The following CCDC134 variants were observed in gnomAD, a reference collection of about 807,000 sequenced individuals.
CCDC134 encodes the protein coiled-coil domain containing 134, also known as coiled-coil domain-containing protein 134.
A neutral mutation model predicts 25.6 loss-of-function variants in CCDC134; 27 were observed. The observed-to-expected ratio is 1.05, with a 90% CI of 0.78 to 1.45. CCDC134 has a LOEUF of 1.45. Ranked by LOEUF, CCDC134 falls within the 40% of genes most tolerant of loss-of-function variation. The pLI is 0.00. For synonymous variants in CCDC134, 110 were observed against 115.0 expected (o/e 0.96, Z 0.28); for missense variants, 261 against 286.7 (o/e 0.91, Z 0.65).
At chr22:41,821,918 C>G (rs2076654292) in intron 6 of CCDC134, among the ~76,000 whole-genome samples, 2 of 152,064 alleles carry the variant, frequency 1.3e-5, no homozygotes, top group African/African-American at 4.8e-5. Context: ...AGATAGAAAG[C>G]AAGGTCATGG....
At chr22:41,807,143 T>C (rs1054902583) in intron 1 of CCDC134, among the ~76,000 whole-genome samples, 2 of 152,292 alleles carry the variant, frequency 1.3e-5, no homozygotes, top group East Asian at 1.9e-4. Context: ...AATGGAACAA[T>C]TCAGACACAT....
intron 1 of CCDC134, among the ~76,000 whole-genome samples, chr22:41,804,026 G>T (rs140917913): frequency 6.6e-6 from 1 of 151,982 alleles, no homozygotes. Context: ...CTAGTTACTC[G>T]GGAGGCTGAG....
At position 41,813,381 on chromosome 22, in the gene CCDC134, G is replaced by T. The variant is rs1166671024; in HGVS notation, c.428G>T (p.Gly143Val). The change falls in exon 5 of 7, where the codon GGT (glycine) becomes GTT (valine). Residue 143 changes from glycine (G) to valine (V), a missense_variant. Coordinates refer to ENST00000255784, the MANE Select transcript of CCDC134 (RefSeq NM_024821.5). ...AACTGGAACCTCCTCATCCGCTGGGGTATCAGTTTCTGCAACCAGACAGGC... is the reference window on the plus strand; with the variant it reads ...AACTGGAACCTCCTCATCCGCTGGGTTATCAGTTTCTGCAACCAGACAGGC... The part of the protein sequence containing the change: ...NSNWNLLIRW[G>V]ISFCNQTGVF... The T allele has an allele frequency of 6.2e-7, 1 of 1,614,184 alleles. No individual in the cohort carries two copies. Among genetic ancestry groups the T allele is most frequent in the Middle Eastern group, 1.6e-4 (1 of 6,062 alleles).
At position 41,831,086 on chromosome 22, in the gene CCDC134, A is replaced by T. The variant is rs925073011; in HGVS notation, c.*5263A>T. 1 of 151,982 alleles carries T rather than the reference A, an allele frequency of 6.6e-6. No individual in the cohort carries two copies. The highest frequency in any genetic ancestry group is 1.5e-5 in the Non-Finnish European group (1 of 68,042). 9.4% of individuals were successfully genotyped at this position (151,982 alleles called of 1,614,324 possible). A position where few individuals can be genotyped will look rare whatever the true frequency, so the allele number is the denominator to read the frequency against. ...TTTTTAGTAGAGACGGGGTTTCACC[A>T]AGCTGGCCAAGCTGGTCTCGAACTC... On this transcript the variant is annotated 3_prime_UTR_variant, in exon 7 of 7. Transcript: ENST00000255784.
chr22:41,825,626 G>T lies in CCDC134; in HGVS notation c.565-72G>T. ...GGGAACCTTCCTATTCCCACACCCC[G>T]CTGGTGGCCTAGCTCAGAGCAGGCT... On this transcript the variant is annotated intron_variant, in intron 6 of 6. Coordinates refer to ENST00000255784, the MANE Select transcript of CCDC134 (RefSeq NM_024821.5). This position sits in a 1 kb window ranked among gnomAD's most constrained non-coding sequence, Gnocchi z 4.4. 6.3e-7 allele frequency: 1 copy of T among 1,588,328 alleles called. No homozygotes were observed.
intron 6 of CCDC134, 89 bp downstream of exon 6, chr22:41,813,911 G>T: frequency 8.0e-7 from 1 of 1,255,194 alleles, no homozygotes; most frequent in South Asian, 1.2e-5. Flanking sequence ...ACCTTGGGTG[G>T]CTTTGGACTT....
intron 6 of CCDC134, among the ~76,000 whole-genome samples, chr22:41,818,988 G>A (rs1445478643): frequency 1.3e-5 from 2 of 152,228 alleles, no homozygotes; most frequent in Non-Finnish European, 2.9e-5. Flanking sequence ...GCCAGGATAA[G>A]TTGAGTCCAG....
At chr22:41,820,213 G>A (rs559372939) in intron 6 of CCDC134, among the ~76,000 whole-genome samples, 10 of 151,278 alleles carry the variant, frequency 6.6e-5, no homozygotes, top group Non-Finnish European at 1.0e-4. Context: ...AGCCAGGATC[G>A]TCTCGATCTT....
chr22:41,809,990 G>GGCTCT lies in CCDC134; in HGVS notation c.216_220dup (p.Phe74CysfsTer30). 6.2e-7 allele frequency: 1 copy of GGCTCT among 1,614,122 alleles called. No individual in the cohort carries two copies. The highest frequency in any genetic ancestry group is 8.5e-7 in the Non-Finnish European group (1 of 1,180,018). The stretch of plus-strand genomic sequence containing the variant: ...AAGATCCTTGATGTCATGCTCAAGG[G>GGCTCT]GCTCTTTAAGGTGTGTGCAGGCAGG... On this transcript the variant is annotated frameshift_variant, in exon 3 of 7. Transcript: ENST00000255784. LOFTEE classifies it high-confidence loss of function.
At chr22:41,824,877 G>A (rs910357840) in intron 6 of CCDC134, among the ~76,000 whole-genome samples, 1 of 152,212 alleles carries the variant, frequency 6.6e-6, no homozygotes, top group Non-Finnish European at 1.5e-5. Context: ...AGAGAGATGG[G>A]GGTGGTGATG....
At chr22:41,821,829 G>C (rs768002814) in intron 6 of CCDC134, among the ~76,000 whole-genome samples, 7 of 152,142 alleles carry the variant, frequency 4.6e-5, no homozygotes, top group African/African-American at 9.7e-5. Flanking sequence ...CAGAGCATGT[G>C]GGCACAGAAG....
intron 1 of CCDC134, among the ~76,000 whole-genome samples, chr22:41,803,090 G>T (rs1490685069): frequency 2.0e-5 from 3 of 152,016 alleles, no homozygotes; most frequent in Non-Finnish European, 4.4e-5. Context: ...CTCCAGCCTG[G>T]GCAACAAGAG....
chr22:41,824,713 T>A (rs190441837), intron 6 of CCDC134, among the ~76,000 whole-genome samples: 1 of 152,096 alleles, frequency 6.6e-6, no homozygotes, highest in East Asian at 1.9e-4. Flanking sequence ...TGAGCCAAGA[T>A]TTCACCACTG....
chr22:41,816,040 T>C (rs956612455), intron 6 of CCDC134, among the ~76,000 whole-genome samples: 5 of 152,198 alleles, frequency 3.3e-5, no homozygotes, highest in African/African-American at 9.7e-5. Context: ...AATCAGGATA[T>C]TGTCTAAGAC....
At position 41,810,201 on chromosome 22, in the gene CCDC134, C is replaced by T; in HGVS notation, c.226-6C>T. On this transcript the variant is annotated splice_polypyrimidine_tract_variant and splice_region_variant and intron_variant, in intron 3 of 6. Coordinates refer to ENST00000255784, the MANE Select transcript of CCDC134 (RefSeq NM_024821.5). ...AAGCCACTCAGCCCTGGCGGGATTC[C>T]CTCAGGTGCTGGAGGACTCCCGGAC... 1 of 1,613,800 alleles carries T rather than the reference C, an allele frequency of 6.2e-7. No individual in the cohort carries two copies. Among genetic ancestry groups the T allele is most frequent in the Middle Eastern group, 1.7e-4 (1 of 6,060 alleles).
chr22:41,825,834 G>C lies in CCDC134; in HGVS notation c.*11G>C. On this transcript the variant is annotated 3_prime_UTR_variant, in exon 7 of 7. Coordinates refer to ENST00000255784, the MANE Select transcript of CCDC134 (RefSeq NM_024821.5). This position sits in a 1 kb window ranked among gnomAD's most constrained non-coding sequence, Gnocchi z 4.4. ...CAGTCTGAGTTATAGCCCTGGAGCA[G>C]CTCAGGGCTCAGGGGGCCACAAGGA... 1 of 1,613,500 alleles carries C rather than the reference G, an allele frequency of 6.2e-7. No homozygotes were observed. The highest frequency in any genetic ancestry group is 8.5e-7 in the Non-Finnish European group (1 of 1,179,662).
At chr22:41,814,760 A>G (rs1047395677) in intron 6 of CCDC134, among the ~76,000 whole-genome samples, 2 of 152,150 alleles carry the variant, frequency 1.3e-5, no homozygotes, top group African/African-American at 4.8e-5. Context: ...CTAGCCTGCT[A>G]CTGTTTCATG....
At chr22:41,823,829 A>G (rs917612202) in intron 6 of CCDC134, among the ~76,000 whole-genome samples, 3 of 152,206 alleles carry the variant, frequency 2.0e-5, no homozygotes, top group Non-Finnish European at 4.4e-5. Flanking sequence ...TGGAGTACCC[A>G]GAGAAAACCC....
At chr22:41,807,561 CAAA>C (rs34676090) in intron 1 of CCDC134, among the ~76,000 whole-genome samples, 2 of 132,036 alleles carry the variant, frequency 1.5e-5, no homozygotes. Context: ...GACCCTGTCT[CAAA>C]AAAAAAAAAA....
Sources: gnomAD v4.1 joint callset for allele counts (sites outside exome capture counted in the v4.1 genomes callset) on GRCh38, gnomAD v4.1.1 for gene constraint, Gnocchi (gnomAD v3.1) non-coding constraint, MANE v1.5 for transcripts, NCBI Gene and HGNC (gene_info 2026-07-23, HGNC 2026-07-21) for gene names.